The following ZNF568 variants were observed in gnomAD, a reference collection of about 807,000 sequenced individuals.
ZNF568 encodes zinc finger protein 568.
A neutral mutation model predicts 18.1 loss-of-function variants in ZNF568; 11 were observed. The ratio of observed to expected loss-of-function variants is 0.61; its 90% CI spans 0.38 to 1.00. The LOEUF (loss-of-function observed/expected upper bound fraction) is 1.00, where lower values mean the gene tolerates loss of function less well. Among genes scored for constraint, ZNF568 ranks in the 50% least tolerant of loss-of-function variants. The pLI, the probability that ZNF568 is intolerant of heterozygous loss-of-function variation, is 0.01. For synonymous variants in ZNF568, 213 were observed against 246.6 expected, an observed-to-expected ratio of 0.86 and a Z score of 1.28; for missense variants, 639 against 768.2, an observed-to-expected ratio of 0.83 and a Z score of 1.99.
chr19:36,977,387 A>G (rs2074294738), intron 7 of ZNF568, among the ~76,000 whole-genome samples: 1 of 145,506 alleles, frequency 6.9e-6, no homozygotes. Context: ...TGGTATTTGT[A>G]GGATGTGAAA....
intron 6 of ZNF568, among the ~76,000 whole-genome samples, chr19:36,968,300 T>C (rs1341176071): frequency 1.3e-5 from 2 of 151,980 alleles, no homozygotes; most frequent in African/African-American, 4.8e-5. Flanking sequence ...ATGGGCCAGG[T>C]GCAGTGGCTC....
intron 2 of ZNF568, among the ~76,000 whole-genome samples, chr19:36,920,201 G>T (rs1247882754): frequency 9.1e-6 from 1 of 110,296 alleles, no homozygotes; most frequent in Non-Finnish European, 1.8e-5. Context: ...TAACAAGAAA[G>T]TTTAAAAAGT....
At chr19:36,944,904 C>T (rs550732752) in intron 6 of ZNF568, among the ~76,000 whole-genome samples, 34 of 152,164 alleles carry the variant, frequency 2.2e-4, no homozygotes, top group Admixed American at 4.6e-4. Context: ...GATATATAGT[C>T]AAACTACTAT....
At chr19:36,978,337 C>T (rs1021034189) in intron 7 of ZNF568, among the ~76,000 whole-genome samples, 1 of 152,184 alleles carries the variant, frequency 6.6e-6, no homozygotes. Context: ...TGCCCTGATT[C>T]CTGTGGAGTT....
At chr19:36,955,244 TG>T (rs2074098956), downstream of ZNF568, among the ~76,000 whole-genome samples, 1 of 152,112 alleles carries the variant, frequency 6.6e-6, no homozygotes, top group Non-Finnish European at 1.5e-5. Context: ...TTCTTTTTAA[TG>T]TTTTTTGTTT....
downstream of ZNF568, among the ~76,000 whole-genome samples, chr19:36,953,925 T>A (rs529168873): frequency 3.3e-5 from 5 of 149,722 alleles, no homozygotes; most frequent in African/African-American, 1.2e-4. Flanking sequence ...AAATAAAAAA[T>A]AAATAAAAAG....
chr19:36,990,773 G>T lies in ZNF568; in HGVS notation c.10-403G>T, dbSNP rs2074417019. 3.3e-5 allele frequency among the ~76,000 whole-genome samples: 5 copies of T among 152,296 alleles called. No individual in the cohort carries two copies. The South Asian group carries it at 1.0e-3, about 32-fold the overall frequency. On this transcript the variant is annotated intron_variant, in intron 2 of 4. Transcript: ENST00000433993. ...ATTGCTGTCTATTTAAGAATTTTTG[G>T]TGATGTAGAAAACTGATTCAGGATT... is the stretch of plus-strand genomic sequence containing the variant.
chr19:36,975,441 A>G (rs1031392548), intron 7 of ZNF568, among the ~76,000 whole-genome samples: 1 of 151,590 alleles, frequency 6.6e-6, no homozygotes, highest in East Asian at 2.0e-4. Context: ...TTAGGAGTGC[A>G]GTGGTGTTAT....
intron 6 of ZNF568, among the ~76,000 whole-genome samples, chr19:36,948,411 G>A (rs1360578768): frequency 6.6e-6 from 1 of 152,216 alleles, no homozygotes; most frequent in African/African-American, 2.4e-5. Flanking sequence ...TAGGAATAAA[G>A]CTGCTGTAAA....
intron 6 of ZNF568, among the ~76,000 whole-genome samples, chr19:36,937,535 A>G (rs533393525): frequency 2.6e-5 from 4 of 152,196 alleles, no homozygotes; most frequent in African/African-American, 4.8e-5. Flanking sequence ...TCCTCTCTCT[A>G]TGATCCTCGG....
chr19:36,956,732 GA>G (rs1238578514), downstream of ZNF568, among the ~76,000 whole-genome samples: 1 of 151,984 alleles, frequency 6.6e-6, no homozygotes, highest in African/African-American at 2.4e-5. Context: ...GAGTAGCTGG[GA>G]TTACAGGTGT....
chr19:36,950,934 C>T lies in ZNF568; in HGVS notation c.1781C>T (p.Ala594Val), dbSNP rs1483218808. ...KPYECNKCGKAFSQCSLLIIH... is the reference protein window; with the variant it reads ...KPYECNKCGKVFSQCSLLIIH... Reference sequence around the variant, plus strand: ...TATGAATGTAATAAATGTGGGAAAGCCTTTTCTCAGTGCTCATTACTTATT... The same window carrying T: ...TATGAATGTAATAAATGTGGGAAAGTCTTTTCTCAGTGCTCATTACTTATT... Residue 594 changes from alanine to valine, a missense_variant, in exon 7 of 7, where the codon GCC becomes GTC. Physicochemically the swap from Ala to Val is moderately conservative, Grantham distance 64. Coordinates refer to ENST00000333987, the MANE Select transcript of ZNF568 (RefSeq NM_198539.4). The T allele has an allele frequency of 1.9e-6, 3 of 1,613,664 alleles. No individual in the cohort carries two copies. The highest frequency in any genetic ancestry group is 2.2e-5 in the East Asian group (1 of 44,850).
downstream of ZNF568, among the ~76,000 whole-genome samples, chr19:36,981,145 T>C (rs1270578682): frequency 6.6e-6 from 1 of 152,192 alleles, no homozygotes; most frequent in Non-Finnish European, 1.5e-5. Flanking sequence ...AGTTTCCCTA[T>C]GTATATGTTT....
chr19:36,940,560 G>A (rs1204641584), intron 6 of ZNF568, among the ~76,000 whole-genome samples: 1 of 152,046 alleles, frequency 6.6e-6, no homozygotes, highest in Non-Finnish European at 1.5e-5. Flanking sequence ...TCTTATTTTT[G>A]GTTGTTTTAA....
At chr19:36,968,312 C>T (rs1300164633) in intron 6 of ZNF568, among the ~76,000 whole-genome samples, 1 of 152,006 alleles carries the variant, frequency 6.6e-6, no homozygotes, top group Non-Finnish European at 1.5e-5. Flanking sequence ...CAGTGGCTCA[C>T]ACCTGTAATC....
downstream of ZNF568, among the ~76,000 whole-genome samples, chr19:36,981,541 A>G (rs540057128): frequency 1.2e-3 from 187 of 152,222 alleles, no homozygotes; most frequent in African/African-American, 4.4e-3. Flanking sequence ...TTTTATTTCC[A>G]GGTATTTTTA....
intron 2 of ZNF568, among the ~76,000 whole-genome samples, chr19:36,990,653 A>G (rs557933311): frequency 2.0e-5 from 3 of 152,320 alleles, no homozygotes; most frequent in African/African-American, 7.2e-5. Context: ...AATGACTATT[A>G]TAACTGCAAA....
At chr19:36,948,842 C>T (rs2074010589) in intron 6 of ZNF568, among the ~76,000 whole-genome samples, 1 of 151,970 alleles carries the variant, frequency 6.6e-6, no homozygotes, top group Admixed American at 6.6e-5. Flanking sequence ...AGGGAACATC[C>T]TTGCCTTGTG....
chr19:36,921,713 C>G (rs927525178), intron 2 of ZNF568, among the ~76,000 whole-genome samples: 1 of 151,990 alleles, frequency 6.6e-6, no homozygotes, highest in African/African-American at 2.4e-5. Flanking sequence ...GTATATTCAT[C>G]CAATATTATT....
Sources: gnomAD v4.1 joint callset for allele counts (sites outside exome capture counted in the v4.1 genomes callset) on GRCh38, gnomAD v4.1.1 for gene constraint, MANE v1.5 for transcripts, NCBI Gene and HGNC (gene_info 2026-07-23, HGNC 2026-07-21) for gene names.